GAN: variants seen among roughly 807,000 people sequenced by gnomAD.
GAN encodes the protein gigaxonin.
GAN carries 48 observed loss-of-function variants against 71.3 expected under a neutral mutation model. The ratio of observed to expected loss-of-function variants is 0.67; its 90% CI spans 0.53 to 0.86. The LOEUF (loss-of-function observed/expected upper bound fraction) is 0.86. GAN is among the 40% of genes least tolerant of loss of function. GAN has a pLI of 0.00. For missense variants in GAN, 928 were observed against 770.1 expected (o/e 1.21, Z -2.43); for synonymous variants, 386 against 276.8 (o/e 1.39, Z -3.92).
intron 9 of GAN, among the ~76,000 whole-genome samples, chr16:81,375,238 A>G (rs1213290987): frequency 2.0e-5 from 3 of 151,958 alleles, no homozygotes; most frequent in Admixed American, 6.5e-5. Flanking sequence ...TCCACAGGAT[A>G]TAAAGAATCT....
At chr16:81,322,054 C>G (rs538830991) in intron 1 of GAN, among the ~76,000 whole-genome samples, 1 of 152,272 alleles carries the variant, frequency 6.6e-6, no homozygotes, top group South Asian at 2.1e-4. Context: ...AATCATCTTC[C>G]TAAGTACTTA....
At position 81,365,431 on chromosome 16, in the gene GAN, C is replaced by T. The variant is rs1161395732; in HGVS notation, c.1455C>T (p.Ser485=). 1.9e-6 allele frequency: 3 copies of T among 1,613,078 alleles called. No individual in the cohort carries two copies. Among genetic ancestry groups the T allele is most frequent in the East Asian group, 2.2e-5 (1 of 44,838 alleles). ...GAAGTCGTGAGGACGCCCAGGGTAG[C>T]GAGATGGTAACTTGCAAGTCCGAGT... The part of the protein sequence containing the change: ...GVRSREDAQG[S]EMVTCKSEFY... The change falls in exon 9 of 11, where the codon AGC becomes AGT. Residue 485 remains serine (S), a synonymous_variant. Coordinates refer to ENST00000648994, the MANE Select transcript of GAN (RefSeq NM_022041.4).
chr16:81,334,884 A>G (rs964454085), intron 1 of GAN, among the ~76,000 whole-genome samples: 11 of 152,194 alleles, frequency 7.2e-5, no homozygotes, highest in African/African-American at 2.4e-4. Context: ...TATCAAGTCA[A>G]TTCATATTTA....
Position 81,382,571 on chromosome 16 carries a change from G to C in GAN, c.*4975G>C. ...AATAAACTATGTCTTAGAATGTTGA[G>C]GAAAGTATTTTGATAGCTTTTAATA... On this transcript the variant is annotated 3_prime_UTR_variant, in exon 11 of 11. Transcript: ENST00000648994. 6.6e-6 allele frequency: 1 copy of C among 152,176 alleles called. No homozygotes were observed. Among genetic ancestry groups the C allele is most frequent in the Non-Finnish European group, 1.5e-5 (1 of 68,040 alleles). 9.4% of individuals were successfully genotyped at this position (152,176 alleles called of 1,614,324 possible). A position where few individuals can be genotyped will look rare whatever the true frequency, so the allele number is the denominator to read the frequency against.
chr16:81,332,987 C>G (rs552964328), intron 1 of GAN, among the ~76,000 whole-genome samples: 31 of 152,204 alleles, frequency 2.0e-4, no homozygotes, highest in African/African-American at 3.4e-4. Context: ...TGCCTGTAAT[C>G]CCAGCACTTT....
chr16:81,361,131 A>G (rs1355913437), intron 5 of GAN, among the ~76,000 whole-genome samples: 1 of 152,202 alleles, frequency 6.6e-6, no homozygotes, highest in African/African-American at 2.4e-5. Context: ...AGGGCGATGC[A>G]GGAGAATCGC....
In GAN at chr16:81,385,052, GTAAA is replaced by G. The variant is rs1904360878; in HGVS notation, c.*7457_*7460del. On this transcript the variant is annotated 3_prime_UTR_variant, in exon 11 of 11. Coordinates refer to ENST00000648994, the MANE Select transcript of GAN (RefSeq NM_022041.4). ...ATATTTGGTATAACTTAAGCACCAG[GTAAA>G]ATCTGGTGCTTAAGTTGTACCAAGT... 1 of 154,266 alleles carries G rather than the reference GTAAA, an allele frequency of 6.5e-6. No homozygotes were observed. The highest frequency in any genetic ancestry group is 1.5e-5 in the Non-Finnish European group (1 of 68,212). The allele number at this position is 154,266 out of a possible 1,614,324, so 9.6% of individuals were successfully genotyped here. A position where few individuals can be genotyped will look rare whatever the true frequency, so the allele number is the denominator to read the frequency against.
rs1487892594 is a variant in GAN at position 81,383,855 on chromosome 16, A to C, written c.*6259A>C. 6.6e-6 allele frequency: 1 copy of C among 152,146 alleles called. No individual in the cohort carries two copies. Among genetic ancestry groups the C allele is most frequent in the Non-Finnish European group, 1.5e-5 (1 of 68,040 alleles). The allele number at this position is 152,146 out of a possible 1,614,324, so 9.4% of individuals were successfully genotyped here. On this transcript the variant is annotated 3_prime_UTR_variant, in exon 11 of 11. Transcript: ENST00000648994. ...AATGAACGGCCATTTCAAATCATTC[A>C]CATCCCAAACGGAGGTTCATCTGTC...
intron 1 of GAN, among the ~76,000 whole-genome samples, chr16:81,341,914 G>A (rs1329995359): frequency 6.6e-6 from 1 of 152,132 alleles, no homozygotes; most frequent in Admixed American, 6.6e-5. Flanking sequence ...ACACACATAG[G>A]CTCAAAATAA....
At chr16:81,354,270 C>T (rs571581584) in intron 2 of GAN, 135 bp from the exon 3 acceptor site, 609 of 673,716 alleles carry the variant, frequency 9.0e-4, no homozygotes, top group Non-Finnish European at 1.3e-3. Context: ...TGGGTTAAAC[C>T]ATATGAAATT....
At chr16:81,338,924 C>T (rs1311400401) in intron 1 of GAN, among the ~76,000 whole-genome samples, 3 of 152,200 alleles carry the variant, frequency 2.0e-5, no homozygotes. Context: ...ACTAAGATGG[C>T]ATGTGCAGGC....
rs56023541 is a variant in GAN, at chr16:81,383,242, C to CTTTTTT, written c.*5669_*5674dup. ...TAGTCAGAAATGACTGTTGCCCTCTCTTTTTTTTTTTTTTTTTTTTTTTTT... is the reference window on the plus strand; with the variant it reads ...TAGTCAGAAATGACTGTTGCCCTCTCTTTTTTTTTTTTTTTTTTTTTTTTTTTTTTT... On this transcript the variant is annotated 3_prime_UTR_variant, in exon 11 of 11. Coordinates refer to ENST00000648994, the MANE Select transcript of GAN (RefSeq NM_022041.4). 10 of 93,650 alleles carry CTTTTTT rather than the reference C, an allele frequency of 1.1e-4. No individual in the cohort carries two copies. The highest frequency in any genetic ancestry group is 1.7e-4 in the African/African-American group (4 of 23,320). The allele number at this position is 93,650 out of a possible 1,614,324, so 5.8% of individuals were successfully genotyped here. A position where few individuals can be genotyped will look rare whatever the true frequency, so the allele number is the denominator to read the frequency against.
intron 1 of GAN, among the ~76,000 whole-genome samples, chr16:81,324,285 A>T (rs1909309454): frequency 6.6e-6 from 1 of 152,092 alleles, no homozygotes; most frequent in Non-Finnish European, 1.5e-5. Context: ...CTACCTGGGG[A>T]GGTGAGCAGT....
Position 81,316,382 on chromosome 16 carries a change from T to C in GAN, c.167+1102T>C, listed in dbSNP as rs141330742. On this transcript the variant is annotated intron_variant, in intron 1 of 10. Coordinates refer to ENST00000648994, the MANE Select transcript of GAN (RefSeq NM_022041.4). ...TTTTAACCTTTGCATTGGGGAGATA[T>C]CTGTGCTAAACTTAGAAGAAATTCA... Among the ~76,000 whole-genome samples the C allele has an allele frequency of 7.6e-4, 116 of 151,868 alleles. 2 individuals carry two copies. In the East Asian group the frequency reaches 0.019, roughly 25 times the overall value.
At position 81,383,802 on chromosome 16, in the gene GAN, C is replaced by A. The variant is rs528718755; in HGVS notation, c.*6206C>A. The A allele has an allele frequency of 6.6e-6, 1 of 151,980 alleles. No homozygotes were observed. The highest frequency in any genetic ancestry group is 1.5e-5 in the Non-Finnish European group (1 of 68,004). 9.4% of individuals were successfully genotyped at this position (151,980 alleles called of 1,614,324 possible). A position where few individuals can be genotyped will look rare whatever the true frequency, so the allele number is the denominator to read the frequency against. On this transcript the variant is annotated 3_prime_UTR_variant, in exon 11 of 11. Transcript: ENST00000648994. ...ACACACGGCCTTAAGATGAAGTGAA[C>A]GAGTAGACACTGAATAGGATCCACG...
chr16:81,353,469 C>G (rs1202596764), intron 2 of GAN, among the ~76,000 whole-genome samples: 1 of 152,162 alleles, frequency 6.6e-6, no homozygotes, highest in Non-Finnish European at 1.5e-5. Context: ...TTTTCCCCTA[C>G]TTGTGGCTTA....
intron 1 of GAN, among the ~76,000 whole-genome samples, chr16:81,344,173 A>G (rs1253837126): frequency 6.6e-6 from 1 of 152,232 alleles, no homozygotes. Context: ...TATTGTGAAA[A>G]TGGCCTTACT....
At chr16:81,365,160 T>C (rs1910810344) in intron 8 of GAN, 50 bp downstream of exon 8, 1 of 1,597,788 alleles carries the variant, frequency 6.3e-7, no homozygotes, top group Non-Finnish European at 8.6e-7. Flanking sequence ...GTTCACTGGG[T>C]CTGGAGCCCC....
chr16:81,344,198 A>G (rs1360371665), intron 1 of GAN, among the ~76,000 whole-genome samples: 6 of 152,236 alleles, frequency 3.9e-5, no homozygotes, highest in South Asian at 2.1e-4. Flanking sequence ...AAAGTAATTT[A>G]TAGATTTAAT....
Sources: gnomAD v4.1 joint callset for allele counts (sites outside exome capture counted in the v4.1 genomes callset) on GRCh38, gnomAD v4.1.1 for gene constraint, MANE v1.5 for transcripts, NCBI Gene and HGNC (gene_info 2026-07-23, HGNC 2026-07-21) for gene names.